The following GRAMD1C variants were observed in gnomAD, a reference collection of about 807,000 sequenced individuals.
The protein encoded by GRAMD1C is protein Aster-C.
GRAMD1C carries 89 observed loss-of-function variants against 97.8 expected under a neutral mutation model. The ratio of observed to expected loss-of-function variants is 0.91; its 90% confidence interval spans 0.77 to 1.09. The LOEUF (loss-of-function observed/expected upper bound fraction) is 1.09. Among genes scored for constraint, GRAMD1C ranks in the 50% least tolerant of loss-of-function variants. The probability of loss-of-function intolerance (pLI) is 0.00; values close to 1 mark genes in which losing one functional copy is unlikely to be tolerated. For missense variants in GRAMD1C, 740 were observed against 766.4 expected (o/e 0.97, Z 0.41); for synonymous variants, 256 against 267.0 (o/e 0.96, Z 0.40).
chr3:113,943,831 T>C (rs1937928985), intron 17 of GRAMD1C, among the ~76,000 whole-genome samples: 1 of 152,130 alleles, frequency 6.6e-6, no homozygotes, highest in Non-Finnish European at 1.5e-5. Flanking sequence ...GGAGAATTGT[T>C]TGAACCCAGG....
intron 2 of GRAMD1C, chr3:113,850,738 T>C (rs991318172): frequency 8.3e-6 from 12 of 1,446,760 alleles, no homozygotes; most frequent in South Asian, 3.6e-5. Context: ...ACATCTCCGC[T>C]GCTGTAGGGT....
intron 2 of GRAMD1C, among the ~76,000 whole-genome samples, chr3:113,862,634 G>A (rs1041072966): frequency 3.9e-5 from 6 of 152,180 alleles, no homozygotes; most frequent in Non-Finnish European, 7.3e-5. Flanking sequence ...AGCTTACAAA[G>A]ATGATGGGAT....
chr3:113,834,939 CAAAAAAAA>C (rs58338279), upstream of GRAMD1C, among the ~76,000 whole-genome samples: 1 of 126,058 alleles, frequency 7.9e-6, no homozygotes, highest in Admixed American at 8.1e-5. Context: ...AACTCCGTCT[CAAAAAAAA>C]AAAAAAAAAG....
chr3:113,840,178 G>A (rs985715419), intron 1 of GRAMD1C, among the ~76,000 whole-genome samples: 3 of 152,128 alleles, frequency 2.0e-5, no homozygotes, highest in African/African-American at 7.2e-5. Flanking sequence ...GTGTTAGCCA[G>A]GATGGTCTTG....
At chr3:113,901,288 G>A in intron 7 of GRAMD1C, 142 bp downstream of exon 7, 1 of 580,840 alleles carries the variant, frequency 1.7e-6, no homozygotes, top group Non-Finnish European at 3.2e-6. Context: ...GGAATGGGGT[G>A]AAAGGTGGGG....
chr3:113,901,130 GAGGATGTGCAGCCA>G lies in GRAMD1C; in HGVS notation c.644_656+1del. ...GATGGAAAACTTGTCACTGTCGATT[GAGGATGTGCAGCCA>G]AGGTACAGCAAAATGTTTTGAAATG... On this transcript the variant is annotated frameshift_variant and splice_region_variant, in exon 7 of 18. Coordinates refer to ENST00000358160, the MANE Select transcript of GRAMD1C (RefSeq NM_017577.5). LOFTEE classifies it high-confidence loss of function. 1.3e-6 allele frequency: 2 copies of G among 1,577,436 alleles called. No individual in the cohort carries two copies. Among genetic ancestry groups the G allele is most frequent in the Non-Finnish European group, 1.7e-6 (2 of 1,146,918 alleles).
At chr3:113,909,152 T>C (rs1577192700) in intron 9 of GRAMD1C, 32 bp downstream of exon 9, 1 of 1,148,176 alleles carries the variant, frequency 8.7e-7, no homozygotes, top group East Asian at 2.7e-5. Context: ...TTATTAAATT[T>C]CAGTTATGTC....
chr3:113,910,122 G>A (rs139018752), intron 9 of GRAMD1C, among the ~76,000 whole-genome samples: 360 of 152,222 alleles, frequency 2.4e-3, no homozygotes, highest in African/African-American at 8.2e-3. Context: ...AGTGGCTCAC[G>A]CCTGTAATCC....
intron 2 of GRAMD1C, among the ~76,000 whole-genome samples, chr3:113,863,113 C>T (rs985385141): frequency 1.1e-4 from 16 of 152,034 alleles, no homozygotes; most frequent in African/African-American, 2.2e-4. Flanking sequence ...TAAATATGTT[C>T]GCATAAACAT....
chr3:113,836,422 C>T (rs1709632047), upstream of GRAMD1C, among the ~76,000 whole-genome samples: 1 of 152,094 alleles, frequency 6.6e-6, no homozygotes, highest in African/African-American at 2.4e-5. Context: ...ATACCCTCCA[C>T]TTAGGTCCAA....
chr3:113,850,397 C>T (rs1487535107), intron 2 of GRAMD1C: 12 of 885,748 alleles, frequency 1.4e-5, no homozygotes, highest in Non-Finnish European at 1.9e-5. Context: ...TCTTGCAGGT[C>T]GCTCACCCTC....
chr3:113,876,892 G>A (rs1935064767), intron 5 of GRAMD1C, among the ~76,000 whole-genome samples: 1 of 151,828 alleles, frequency 6.6e-6, no homozygotes, highest in Non-Finnish European at 1.5e-5. Context: ...GGTAGGGAGG[G>A]AGAAAAAGAG....
At chr3:113,867,978 T>G (rs1934649548) in intron 2 of GRAMD1C, among the ~76,000 whole-genome samples, 1 of 152,220 alleles carries the variant, frequency 6.6e-6, no homozygotes, top group African/African-American at 2.4e-5. Context: ...TCTTAAGTCT[T>G]TGTCCTTTCT....
chr3:113,895,229 T>C (rs1226394327), intron 6 of GRAMD1C, among the ~76,000 whole-genome samples: 3 of 152,202 alleles, frequency 2.0e-5, no homozygotes, highest in Non-Finnish European at 4.4e-5. Context: ...TGATTGCTAA[T>C]CTGACTTCCA....
In GRAMD1C at chr3:113,876,167, T is replaced by C. The variant is rs1453372547; in HGVS notation, c.366T>C (p.Ile122=). Residue 122 remains isoleucine (I), a splice_region_variant and synonymous_variant, in exon 5 of 18, where the codon ATT becomes ATC. Transcript: ENST00000358160. ...AAAAAAATTTTTTGTGTGTTTAGAT[T>C]TCTATTGCTTTAAAGAATATAACCT... The part of the protein sequence containing the change: ...YSNIFRWETT[I]SIALKNITFM... 6.6e-7 allele frequency: 1 copy of C among 1,522,908 alleles called. No individual in the cohort carries two copies. The highest frequency in any genetic ancestry group is 1.2e-5 in the South Asian group (1 of 86,366). 94.3% of individuals were successfully genotyped at this position (1,522,908 alleles called of 1,614,324 possible).
At chr3:113,919,507 C>T (rs1445183986) in intron 10 of GRAMD1C, 1 of 539,920 alleles carries the variant, frequency 1.9e-6, no homozygotes, top group Non-Finnish European at 3.7e-6. Flanking sequence ...AAGAACTAGC[C>T]TTACCTGGAG....
At chr3:113,886,615 T>G (rs778287862) in intron 6 of GRAMD1C, among the ~76,000 whole-genome samples, 1 of 150,982 alleles carries the variant, frequency 6.6e-6, no homozygotes, top group Non-Finnish European at 1.5e-5. Flanking sequence ...AACCACACAT[T>G]ATAACTTTGA....
intron 6 of GRAMD1C, among the ~76,000 whole-genome samples, chr3:113,887,782 T>C (rs892390906): frequency 2.1e-5 from 3 of 144,424 alleles, no homozygotes; most frequent in Non-Finnish European, 4.6e-5. Flanking sequence ...AAGACTACAA[T>C]TGTAAAATTT....
intron 13 of GRAMD1C, 71 bp downstream of exon 13, chr3:113,934,606 T>A: frequency 1.4e-6 from 1 of 721,718 alleles, no homozygotes; most frequent in Non-Finnish European, 2.4e-6. Context: ...TGATTCTTCA[T>A]TTAGATTTGT....
Sources: gnomAD v4.1 joint callset for allele counts (sites outside exome capture counted in the v4.1 genomes callset) on GRCh38, gnomAD v4.1.1 for gene constraint, MANE v1.5 for transcripts, NCBI Gene and HGNC (gene_info 2026-07-23, HGNC 2026-07-21) for gene names.